TIAM1: variants seen among roughly 807,000 people sequenced by gnomAD.
TIAM1 encodes TIAM Rac1 associated GEF 1, also known as rho guanine nucleotide exchange factor TIAM1.
TIAM1 carries 65 observed loss-of-function variants against 163.5 expected under a neutral mutation model. The observed-to-expected ratio is 0.40, with a 90% CI of 0.33 to 0.49. TIAM1 has a LOEUF of 0.49. Among genes scored for constraint, TIAM1 ranks in the 20% least tolerant of loss-of-function variants. TIAM1 has a pLI of 0.77. For missense variants in TIAM1, 1,789 were observed against 2,044.7 expected (o/e 0.87, Z 2.41); for synonymous variants, 833 against 810.1 (o/e 1.03, Z -0.48).
intron 9 of TIAM1, among the ~76,000 whole-genome samples, chr21:31,214,987 T>C (rs187148697): frequency 1.1e-4 from 17 of 152,244 alleles, no homozygotes; most frequent in Non-Finnish European, 1.5e-5. Context: ...CCTACTGGTA[T>C]GTTTATGGCT....
chr21:31,311,763 T>G lies in TIAM1; in HGVS notation c.-189+27480A>C, dbSNP rs190751070. Among the ~76,000 whole-genome samples the G allele has an allele frequency of 5.0e-4, 76 of 152,288 alleles. No homozygotes were observed. In the East Asian group the frequency reaches 0.011, roughly 23 times the overall value. The stretch of plus-strand genomic sequence containing the variant: ...AATACTGAGTGTCAACTTGATTGGA[T>G]TGAGGGATGCAAAATATTGTTCTGG... On this transcript the variant is annotated intron_variant, in intron 2 of 27. Coordinates refer to ENST00000541036, the MANE Select transcript of TIAM1 (RefSeq NM_001353694.2).
rs766239692 is a variant in TIAM1 at position 31,130,170 on chromosome 21, C to T, written c.4045+43G>A. On this transcript the variant is annotated intron_variant, in intron 25 of 27. Transcript: ENST00000541036. ...TCAAACAAATAATTCCTACACACAT[C>T]AGAAATATGTGTGTGAAATACCCAG... The T allele has an allele frequency of 1.0e-5, 15 of 1,490,766 alleles. No homozygotes were observed. The South Asian group carries it at 1.7e-4, about 17-fold the overall frequency. The allele number at this position is 1,490,766 out of a possible 1,614,324, so 92.3% of individuals were successfully genotyped here.
At chr21:31,334,838 G>A (rs145525751) in intron 2 of TIAM1, among the ~76,000 whole-genome samples, 1,599 of 152,192 alleles carry the variant, frequency 0.011, 42 homozygotes, top group African/African-American at 0.036. Context: ...GTACCAGGGC[G>A]CCCAGCCTTT....
intron 1 of TIAM1, among the ~76,000 whole-genome samples, chr21:31,494,402 CA>C (rs1318422027): frequency 6.6e-6 from 1 of 152,146 alleles, no homozygotes; most frequent in Non-Finnish European, 1.5e-5. Flanking sequence ...CTCTTTCTCC[CA>C]AAGCAAACAT....
chr21:31,152,984 A>C (rs723470), intron 18 of TIAM1, 82 bp downstream of exon 18: 1,027,536 of 1,368,172 alleles, frequency 0.75, 388,400 homozygotes, highest in African/African-American at 0.93. Context: ...TTTCAGTGTT[A>C]CGCATGTCCC....
At chr21:31,136,593 C>CT (rs1390705402) in intron 22 of TIAM1, among the ~76,000 whole-genome samples, 1 of 152,094 alleles carries the variant, frequency 6.6e-6, no homozygotes, top group Non-Finnish European at 1.5e-5. Flanking sequence ...AAAGGCTCAT[C>CT]TTTTTTTTCC....
Position 31,557,229 on chromosome 21 carries a change from C to T in TIAM1, c.-422+1698G>A, listed in dbSNP as rs181270859. On this transcript the variant is annotated intron_variant, in intron 1 of 28. Transcript: ENST00000286827. ...AAACCTAAGGCCAAGTAAAACAAGT[C>T]CTGTTTGAAGCTGAGAACAGCAGTC... 7.0e-3 allele frequency among the ~76,000 whole-genome samples: 1,060 copies of T among 152,304 alleles called. 11 individuals are homozygous for T. Among genetic ancestry groups the T allele is most frequent in the Non-Finnish European group, 1.0e-2 (678 of 68,030 alleles).
At chr21:31,286,721 G>T (rs2073824617) in intron 2 of TIAM1, among the ~76,000 whole-genome samples, 1 of 151,838 alleles carries the variant, frequency 6.6e-6, no homozygotes. Flanking sequence ...TCAACAAATT[G>T]TGTGTGTGTG....
intron 2 of TIAM1, among the ~76,000 whole-genome samples, chr21:31,424,689 G>A (rs549395204): frequency 3.3e-5 from 5 of 152,248 alleles, no homozygotes; most frequent in South Asian, 2.1e-4. Flanking sequence ...TTTCCGTTTC[G>A]CAAGATGAAA....
At chr21:31,529,443 A>C (rs908817099) in intron 1 of TIAM1, among the ~76,000 whole-genome samples, 5 of 151,942 alleles carry the variant, frequency 3.3e-5, no homozygotes, top group Non-Finnish European at 5.9e-5. Context: ...AGATTTCAGA[A>C]ACGAGGAGTA....
chr21:31,506,841 C>T (rs1005367748), intron 1 of TIAM1, among the ~76,000 whole-genome samples: 4 of 152,122 alleles, frequency 2.6e-5, no homozygotes, highest in African/African-American at 7.2e-5. Context: ...TCACTTTAAC[C>T]GGGAGGCAGA....
chr21:31,425,888 G>A (rs897478306), intron 2 of TIAM1, among the ~76,000 whole-genome samples: 1 of 151,860 alleles, frequency 6.6e-6, no homozygotes, highest in Admixed American at 6.6e-5. Context: ...AATAGAGATA[G>A]GGTTTTGCTA....
chr21:31,210,730 A>AAG (rs1280545064), intron 10 of TIAM1, among the ~76,000 whole-genome samples: 2 of 108,592 alleles, frequency 1.8e-5, no homozygotes, highest in Admixed American at 9.7e-5. Context: ...AGAAAGAAAG[A>AAG]GAAAGAAGGA....
intron 2 of TIAM1, among the ~76,000 whole-genome samples, chr21:31,427,732 G>A (rs2147271737): frequency 6.6e-6 from 1 of 152,156 alleles, no homozygotes; most frequent in South Asian, 2.1e-4. Flanking sequence ...TACTCAGGAG[G>A]CTGAGGCGGG....
intron 2 of TIAM1, among the ~76,000 whole-genome samples, chr21:31,383,132 C>T (rs534238351): frequency 2.2e-4 from 34 of 151,986 alleles, no homozygotes; most frequent in Non-Finnish European, 4.1e-4. Context: ...CCCAGCTACT[C>T]GGGAGACTGA....
chr21:31,558,343 C>T (rs2048965114), intron 1 of TIAM1, among the ~76,000 whole-genome samples: 1 of 152,090 alleles, frequency 6.6e-6, no homozygotes, highest in African/African-American at 2.4e-5. Context: ...GGGTTCGTCG[C>T]GGGTCCCCAG....
At chr21:31,516,470 G>A (rs1200968291) in intron 1 of TIAM1, among the ~76,000 whole-genome samples, 3 of 152,062 alleles carry the variant, frequency 2.0e-5, no homozygotes, top group Admixed American at 2.0e-4. Flanking sequence ...GAATGACACT[G>A]GTTTATGTCT....
At chr21:31,281,085 CA>C (rs748020575) in intron 2 of TIAM1, among the ~76,000 whole-genome samples, 3,668 of 63,762 alleles carry the variant, frequency 0.058, 29 homozygotes, top group Non-Finnish European at 0.065. Flanking sequence ...GACCCTAACT[CA>C]AAAAAAAAAA....
intron 16 of TIAM1, among the ~76,000 whole-genome samples, chr21:31,156,976 T>A (rs890170638): frequency 3.3e-5 from 5 of 152,238 alleles, no homozygotes; most frequent in Admixed American, 3.3e-4. Context: ...TCATAGCAAA[T>A]ATATTCTTCA....
Sources: gnomAD v4.1 joint callset for allele counts (sites outside exome capture counted in the v4.1 genomes callset) on GRCh38, gnomAD v4.1.1 for gene constraint, MANE v1.5 for transcripts, NCBI Gene and HGNC (gene_info 2026-07-23, HGNC 2026-07-21) for gene names.